Variants in SLCO1B1 observed in about 807,000 individuals in gnomAD.
SLCO1B1 encodes the protein OATP-2.
In SLCO1B1, 81 loss-of-function variants were observed where a neutral mutation model predicts 70.1. That is an observed-to-expected ratio of 1.16 (90% CI 0.97 to 1.39). The LOEUF (loss-of-function observed/expected upper bound fraction) is 1.39, where lower values mean the gene tolerates loss of function less well. Ranked by LOEUF, SLCO1B1 falls within the 40% of genes most tolerant of loss-of-function variation. The probability of loss-of-function intolerance (pLI) is 0.00; values close to 1 mark genes in which losing one functional copy is unlikely to be tolerated. For missense variants in SLCO1B1, 895 were observed against 799.6 expected, an observed-to-expected ratio of 1.12 and a Z score of -1.44; for synonymous variants, 283 against 271.5, an observed-to-expected ratio of 1.04 and a Z score of -0.42.
intron 7 of SLCO1B1, among the ~76,000 whole-genome samples, chr12:21,192,640 T>C (rs1941044442): frequency 6.6e-6 from 1 of 151,966 alleles, no homozygotes; most frequent in Non-Finnish European, 1.5e-5. Context: ...CCTTAGTTTG[T>C]TTTTCTTTTT....
chr12:21,228,108 G>A (rs921528259), intron 14 of SLCO1B1, among the ~76,000 whole-genome samples: 3 of 151,974 alleles, frequency 2.0e-5, no homozygotes. Context: ...GATTTAAAGG[G>A]TCGGTCTTTG....
intron 1 of SLCO1B1, among the ~76,000 whole-genome samples, chr12:21,137,414 TGCCCTGCCC>T (rs1379080119): frequency 6.6e-6 from 1 of 152,212 alleles, no homozygotes; most frequent in Non-Finnish European, 1.5e-5. Flanking sequence ...TGTTTGTCTG[TGCCCTGCCC>T]CCAGAGATGG....
intron 2 of SLCO1B1, among the ~76,000 whole-genome samples, chr12:21,166,474 A>G (rs1354086328): frequency 6.6e-5 from 10 of 152,196 alleles, no homozygotes; most frequent in Non-Finnish European, 2.9e-5. Flanking sequence ...TAAAATGAGG[A>G]TGATATCTGA....
chr12:21,220,495 C>T (rs1055141773), intron 12 of SLCO1B1, among the ~76,000 whole-genome samples: 11 of 151,986 alleles, frequency 7.2e-5, no homozygotes, highest in South Asian at 2.1e-4. Flanking sequence ...TCCCCCAAGG[C>T]GGTATTAAAA....
chr12:21,166,723 C>G (rs376324989), intron 2 of SLCO1B1, among the ~76,000 whole-genome samples: 1 of 152,168 alleles, frequency 6.6e-6, no homozygotes, highest in Non-Finnish European at 1.5e-5. Flanking sequence ...GGAAAATATT[C>G]TAATAGTTTC....
At chr12:21,175,922 C>T (rs1310341536) in intron 4 of SLCO1B1, among the ~76,000 whole-genome samples, 3 of 152,044 alleles carry the variant, frequency 2.0e-5, no homozygotes, top group Non-Finnish European at 4.4e-5. Flanking sequence ...TCTAAATATG[C>T]CATAATATGT....
intron 10 of SLCO1B1, among the ~76,000 whole-genome samples, chr12:21,205,071 G>C (rs1941199755): frequency 6.6e-6 from 1 of 151,806 alleles, no homozygotes; most frequent in Non-Finnish European, 1.5e-5. Flanking sequence ...AGTTTCTGAA[G>C]TATGAATCTT....
At chr12:21,151,941 T>TG (rs757166460) in intron 2 of SLCO1B1, among the ~76,000 whole-genome samples, 1 of 152,120 alleles carries the variant, frequency 6.6e-6, no homozygotes, top group South Asian at 2.1e-4. Context: ...GATACTAATT[T>TG]GGGGAAATTC....
At chr12:21,207,851 A>G (rs1335670760) in intron 11 of SLCO1B1, among the ~76,000 whole-genome samples, 1 of 151,592 alleles carries the variant, frequency 6.6e-6, no homozygotes, top group Non-Finnish European at 1.5e-5. Context: ...CTGGTGTGAG[A>G]TGGTATCTCC....
At chr12:21,195,500 A>G (rs1196399244) in intron 7 of SLCO1B1, among the ~76,000 whole-genome samples, 1 of 152,134 alleles carries the variant, frequency 6.6e-6, no homozygotes, top group African/African-American at 2.4e-5. Flanking sequence ...AGCTGTAGCA[A>G]GTGCTCATGT....
rs1362471279 is a variant in SLCO1B1, at chr12:21,131,389, T to G, written c.-62+153T>G. Among the ~76,000 whole-genome samples, 3 of 152,178 alleles carry G rather than the reference T, an allele frequency of 2.0e-5. No individual in the cohort carries two copies. In the South Asian group the frequency reaches 6.2e-4, roughly 32 times the overall value. ...CTGAGCCCTTAAAACATAGTAAATA[T>G]TCCTTCTGGGAGTAGAAGAGCCTCA... On this transcript the variant is annotated intron_variant, in intron 1 of 14. Transcript: ENST00000256958.
chr12:21,224,401 A>C (rs1465689849), intron 13 of SLCO1B1, among the ~76,000 whole-genome samples: 1 of 152,160 alleles, frequency 6.6e-6, no homozygotes, highest in Non-Finnish European at 1.5e-5. Context: ...ATTAACCAAC[A>C]TAACTTCCAA....
intron 7 of SLCO1B1, among the ~76,000 whole-genome samples, chr12:21,189,467 T>G (rs79726175): frequency 9.0e-4 from 133 of 147,064 alleles, no homozygotes; most frequent in Non-Finnish European, 1.5e-3. Flanking sequence ...TTTTTTTTTT[T>G]GAGTCACTCT....
intron 2 of SLCO1B1, among the ~76,000 whole-genome samples, chr12:21,162,690 A>C (rs978701837): frequency 2.0e-5 from 3 of 152,196 alleles, no homozygotes; most frequent in Non-Finnish European, 4.4e-5. Context: ...AATTCCCTTT[A>C]TGCTTTACTT....
At position 21,235,081 on chromosome 12, in the gene SLCO1B1, A is replaced by ATT. The variant is rs61184106; in HGVS notation, c.1866-3881_1866-3880dup. ...TGGTAAAGAGTCTACTTCAAGTCGA[A>ATT]TTTTTTTTTTTTTTTTTTAGCTTTT... On this transcript the variant is annotated intron_variant, in intron 14 of 14. Coordinates refer to ENST00000256958, the MANE Select transcript of SLCO1B1 (RefSeq NM_006446.5). Among the ~76,000 whole-genome samples the ATT allele has an allele frequency of 5.2e-3, 711 of 135,770 alleles. 5 individuals carry two copies. Among genetic ancestry groups the ATT allele is most frequent in the Middle Eastern group, 0.012 (3 of 256 alleles). 89.1% of individuals were successfully genotyped at this position (135,770 alleles called of 152,430 possible). A position where few individuals can be genotyped will look rare whatever the true frequency, so the allele number is the denominator to read the frequency against.
At chr12:21,150,734 G>T (rs183301305) in intron 2 of SLCO1B1, among the ~76,000 whole-genome samples, 1 of 152,144 alleles carries the variant, frequency 6.6e-6, no homozygotes, top group Non-Finnish European at 1.5e-5. Context: ...CCACGAAGAT[G>T]AGGAAAAACA....
At chr12:21,135,716 G>A (rs1940210837) in intron 1 of SLCO1B1, among the ~76,000 whole-genome samples, 1 of 151,978 alleles carries the variant, frequency 6.6e-6, no homozygotes, top group Non-Finnish European at 1.5e-5. Context: ...TTTATTTTGA[G>A]CCTATGTGTG....
intron 7 of SLCO1B1, among the ~76,000 whole-genome samples, chr12:21,193,412 C>T (rs1941054020): frequency 6.6e-6 from 1 of 152,054 alleles, no homozygotes; most frequent in African/African-American, 2.4e-5. Flanking sequence ...TCACAGATAC[C>T]AAGAGATGAT....
chr12:21,166,631 T>C (rs1165502477), intron 2 of SLCO1B1, among the ~76,000 whole-genome samples: 1 of 152,086 alleles, frequency 6.6e-6, no homozygotes, highest in Non-Finnish European at 1.5e-5. Flanking sequence ...AACACAAAAA[T>C]ATACCAAATA....
Sources: allele counts gnomAD v4.1 joint callset (sites outside exome capture counted in the v4.1 genomes callset), GRCh38; gene constraint gnomAD v4.1.1; transcripts MANE v1.5; gene names NCBI Gene and HGNC (gene_info 2026-07-23, HGNC 2026-07-21).